CADPS2: variants seen among roughly 807,000 people sequenced by gnomAD.
CADPS2 encodes calcium-dependent secretion activator 2.
In CADPS2, 93 loss-of-function variants were observed where a neutral mutation model predicts 172.5. The ratio of observed to expected loss-of-function variants is 0.54; its 90% CI spans 0.46 to 0.64. CADPS2 has a LOEUF of 0.64. Ranked by LOEUF, CADPS2 falls within the 30% of genes least tolerant of loss-of-function variation. CADPS2 has a pLI of 0.00. For missense variants in CADPS2, 1,420 were observed against 1,565.9 expected, an observed-to-expected ratio of 0.91 and a Z score of 1.57; for synonymous variants, 546 against 555.2, an observed-to-expected ratio of 0.98 and a Z score of 0.23.
At position 122,850,087 on chromosome 7, in the gene CADPS2, C is replaced by A. The variant is rs1383479423; in HGVS notation, c.339+35912G>T. ...GCCTTGCTTGGCAACAGCACAGACC[C>A]AGCTGTGTTCACAGACCTGGCATCC... On this transcript the variant is annotated intron_variant, in intron 1 of 29. Coordinates refer to ENST00000449022, the MANE Select transcript of CADPS2 (RefSeq NM_017954.11). 4 of 1,363,460 alleles carry A rather than the reference C, an allele frequency of 2.9e-6. No homozygotes were observed. In the East Asian group the frequency reaches 1.1e-4, roughly 38 times the overall value. 84.5% of individuals were successfully genotyped at this position (1,363,460 alleles called of 1,614,324 possible). A position where few individuals can be genotyped will look rare whatever the true frequency, so the allele number is the denominator to read the frequency against.
rs775950251 is a variant in CADPS2 at position 122,698,831 on chromosome 7, TCTGA to T, written c.454-35266_454-35263del. On this transcript the variant is annotated intron_variant, in intron 2 of 29. Transcript: ENST00000449022. ...CAAACAACACTTGCTCTGCAACAGT[TCTGA>T]CTAACAAGCCAAAGAACACTGAACT... 18 of 1,613,602 alleles carry T rather than the reference TCTGA, an allele frequency of 1.1e-5. No homozygotes were observed. In the South Asian group the frequency reaches 1.2e-4, roughly 11 times the overall value.
intron 24 of CADPS2, among the ~76,000 whole-genome samples, chr7:122,383,370 A>G (rs1332949169): frequency 6.6e-6 from 1 of 152,010 alleles, no homozygotes; most frequent in Non-Finnish European, 1.5e-5. Context: ...TGGAAAAACG[A>G]CCTATTGAGT....
chr7:122,519,674 G>A (rs1003008766), intron 8 of CADPS2, among the ~76,000 whole-genome samples: 6 of 151,426 alleles, frequency 4.0e-5, no homozygotes, highest in African/African-American at 1.5e-4. Flanking sequence ...ATTCATCTAT[G>A]ACTTAAAAAA....
intron 8 of CADPS2, among the ~76,000 whole-genome samples, chr7:122,548,271 G>T (rs1260291470): frequency 6.6e-6 from 1 of 152,074 alleles, no homozygotes; most frequent in Non-Finnish European, 1.5e-5. Context: ...TACTCACGAG[G>T]CTGAGATGGG....
intron 1 of CADPS2, among the ~76,000 whole-genome samples, chr7:122,755,236 G>A (rs1371820060): frequency 1.3e-5 from 2 of 152,068 alleles, no homozygotes; most frequent in African/African-American, 2.4e-5. Flanking sequence ...ATCAAGTTAT[G>A]CCAAGGTACC....
chr7:122,573,435 G>A (rs1190813550), intron 7 of CADPS2, among the ~76,000 whole-genome samples: 1 of 152,104 alleles, frequency 6.6e-6, no homozygotes, highest in Admixed American at 6.6e-5. Context: ...AGCAACTTGG[G>A]AGGCTGAGGT....
intron 15 of CADPS2, among the ~76,000 whole-genome samples, chr7:122,444,290 T>C (rs867287667): frequency 1.8e-4 from 28 of 152,274 alleles, no homozygotes; most frequent in Middle Eastern, 6.8e-3. Context: ...AAAGTCTGTG[T>C]GGACACATGC....
At chr7:122,418,608 T>C (rs532238907) in intron 17 of CADPS2, among the ~76,000 whole-genome samples, 2 of 152,086 alleles carry the variant, frequency 1.3e-5, no homozygotes, top group African/African-American at 4.8e-5. Context: ...AGTAGAACAG[T>C]GAACTATGGA....
At chr7:122,426,759 T>C (rs2049218803) in intron 17 of CADPS2, among the ~76,000 whole-genome samples, 1 of 152,208 alleles carries the variant, frequency 6.6e-6, no homozygotes, top group Admixed American at 6.5e-5. Context: ...TGTTAGTAAG[T>C]AAATGAGAGG....
At chr7:122,432,852 A>C (rs1476527588) in intron 17 of CADPS2, among the ~76,000 whole-genome samples, 1 of 151,942 alleles carries the variant, frequency 6.6e-6, no homozygotes, top group African/African-American at 2.4e-5. Flanking sequence ...TAGTTCTTTC[A>C]CATGTAATTG....
chr7:122,388,359 C>T (rs2043943383), intron 23 of CADPS2, among the ~76,000 whole-genome samples: 1 of 151,916 alleles, frequency 6.6e-6, no homozygotes, highest in Non-Finnish European at 1.5e-5. Flanking sequence ...ATAGATGTTA[C>T]TGATTAAGGC....
intron 1 of CADPS2, among the ~76,000 whole-genome samples, chr7:122,787,057 A>G (rs1351052406): frequency 6.6e-6 from 1 of 152,058 alleles, no homozygotes; most frequent in Non-Finnish European, 1.5e-5. Flanking sequence ...GGAAACCACT[A>G]TTTTCAACCC....
chr7:122,320,167 A>G lies in CADPS2; in HGVS notation c.3889T>C (p.Ter1297ArgextTer12). The G allele has an allele frequency of 6.3e-7, 1 of 1,597,512 alleles. No individual in the cohort carries two copies. The highest frequency in any genetic ancestry group is 8.5e-7 in the Non-Finnish European group (1 of 1,172,416). The stretch of plus-strand genomic sequence containing the variant: ...TCCTTCTGCAAAGCTGTGTGATATC[A>G]GCCTTCTTCTTCTTCGTCACTGTCT... Reference protein sequence around the residue: ...MKDSDEEEEG* With the variant: ...MKDSDEEEEGR Residue 1297 changes from the stop codon to arginine, a stop_lost, in exon 30 of 30, where the codon TGA (stop) becomes CGA (arginine). Coordinates refer to ENST00000449022, the MANE Select transcript of CADPS2 (RefSeq NM_017954.11).
At chr7:122,717,854 C>T (rs999961183) in intron 2 of CADPS2, among the ~76,000 whole-genome samples, 2 of 151,988 alleles carry the variant, frequency 1.3e-5, no homozygotes, top group Admixed American at 6.6e-5. Context: ...CTGTCACCTA[C>T]GCTGGAGTAC....
At chr7:122,460,314 A>G (rs1372823782) in intron 14 of CADPS2, among the ~76,000 whole-genome samples, 3 of 152,048 alleles carry the variant, frequency 2.0e-5, no homozygotes, top group African/African-American at 4.8e-5. Flanking sequence ...AGGGGCAAAT[A>G]TGAACAACAT....
At chr7:122,872,368 G>A (rs543384871) in intron 1 of CADPS2, among the ~76,000 whole-genome samples, 6 of 152,150 alleles carry the variant, frequency 3.9e-5, no homozygotes, top group Non-Finnish European at 7.4e-5. Flanking sequence ...TAAAAACAAT[G>A]AGATTCATTA....
intron 1 of CADPS2, among the ~76,000 whole-genome samples, chr7:122,786,084 A>C (rs1222037800): frequency 1.3e-5 from 2 of 151,638 alleles, no homozygotes; most frequent in Middle Eastern, 3.2e-3. Flanking sequence ...CCACATTCAG[A>C]TCTTCTAACT....
intron 4 of CADPS2, among the ~76,000 whole-genome samples, chr7:122,623,088 A>T (rs1448219806): frequency 2.0e-5 from 3 of 152,226 alleles, no homozygotes; most frequent in African/African-American, 2.4e-5. Context: ...TTAAATATCT[A>T]CATTAAAAAT....
chr7:122,856,802 C>A (rs1243784059), intron 1 of CADPS2, among the ~76,000 whole-genome samples: 3 of 152,086 alleles, frequency 2.0e-5, no homozygotes, highest in African/African-American at 7.2e-5. Flanking sequence ...ATGAAACAAG[C>A]CAACAATAAA....
Sources: gnomAD v4.1 joint callset for allele counts (sites outside exome capture counted in the v4.1 genomes callset) on GRCh38, gnomAD v4.1.1 for gene constraint, MANE v1.5 for transcripts, NCBI Gene and HGNC (gene_info 2026-07-23, HGNC 2026-07-21) for gene names.